The following ZNF606 variants were observed in gnomAD, a reference collection of about 807,000 sequenced individuals.
ZNF606 encodes zinc finger protein 606.
ZNF606 carries 37 observed loss-of-function variants against 74.9 expected under a neutral mutation model. That is an observed-to-expected ratio of 0.49 (90% CI 0.38 to 0.65). The LOEUF is 0.65. Ranked by LOEUF, ZNF606 falls within the 30% of genes least tolerant of loss-of-function variation. The pLI, the probability that ZNF606 is intolerant of heterozygous loss-of-function variation, is 0.00. For missense variants in ZNF606, 852 were observed against 952.9 expected (o/e 0.89, Z 1.39); for synonymous variants, 328 against 312.4 (o/e 1.05, Z -0.53).
Position 57,978,940 on chromosome 19 carries a change from G to C in ZNF606, c.1740C>G (p.Ser580Arg). Residue 580 changes from serine (S) to arginine (R), a missense_variant, in exon 7 of 7, where the codon AGC (serine) becomes AGG (arginine). Around this residue, in one of 3 missense-constraint regions of ZNF606, gnomAD observed 243 missense variants for 359.2 expected, o/e 0.68. Coordinates refer to ENST00000551380, the MANE Select transcript of ZNF606 (RefSeq NM_001348022.3). This position sits in a 1 kb window ranked among gnomAD's most constrained non-coding sequence, Gnocchi z 4.4. Reference sequence around the variant, plus strand: ...TTCTCTGATGGGCAATAAGATGGGAGCTCCAGCTGAAGGATTTTCCACATT... The same window carrying C: ...TTCTCTGATGGGCAATAAGATGGGACCTCCAGCTGAAGGATTTTCCACATT... ...CTECGKSFSW[S>R]SHLIAHQRTH... 6.2e-7 allele frequency: 1 copy of C among 1,614,152 alleles called. No individual in the cohort carries two copies. The highest frequency in any genetic ancestry group is 1.1e-5 in the South Asian group (1 of 91,076).
At chr19:57,983,990 T>C (rs950153129) in intron 6 of ZNF606, among the ~76,000 whole-genome samples, 1 of 152,212 alleles carries the variant, frequency 6.6e-6, no homozygotes, top group Non-Finnish European at 1.5e-5. Context: ...CTAGAAATAG[T>C]ACCTGAGGTG....
At chr19:58,001,769 G>A (rs1158882869) in intron 1 of ZNF606, among the ~76,000 whole-genome samples, 1 of 152,174 alleles carries the variant, frequency 6.6e-6, no homozygotes, top group African/African-American at 2.4e-5. Flanking sequence ...TCTTTGTGGG[G>A]TGATGAAATG....
chr19:58,001,216 A>G, intron 2 of ZNF606, 73 bp downstream of exon 2: 2 of 1,578,654 alleles, frequency 1.3e-6, no homozygotes, highest in Non-Finnish European at 1.7e-6. Flanking sequence ...TCCTCAGCCC[A>G]TCACCAGCTC....
intron 6 of ZNF606, among the ~76,000 whole-genome samples, chr19:57,982,467 A>G (rs1012168933): frequency 6.6e-6 from 1 of 152,126 alleles, no homozygotes; most frequent in Non-Finnish European, 1.5e-5. Flanking sequence ...CCCATTCACA[A>G]ATTCTGGAGA....
At chr19:57,998,273 C>T (rs1448990941) in intron 4 of ZNF606, 2 of 151,844 alleles carry the variant, frequency 1.3e-5, no homozygotes. Flanking sequence ...AGAGACAACT[C>T]TAAAAAACTG....
At chr19:58,001,017 A>G (rs1189198294) in intron 2 of ZNF606, 2 of 537,410 alleles carry the variant, frequency 3.7e-6, no homozygotes, top group Admixed American at 3.5e-5. Context: ...ATATTTTATT[A>G]TATGTATCAC....
intron 6 of ZNF606, among the ~76,000 whole-genome samples, chr19:57,984,165 C>T (rs1331643184): frequency 6.6e-6 from 1 of 152,116 alleles, no homozygotes; most frequent in African/African-American, 2.4e-5. Context: ...GGAAAGAGCT[C>T]GAAGTCAAGA....
Position 57,979,806 on chromosome 19 carries a change from T to G in ZNF606, c.874A>C (p.Thr292Pro), listed in dbSNP as rs1405009031. 6 of 1,613,436 alleles carry G rather than the reference T, an allele frequency of 3.7e-6. No homozygotes were observed. The highest frequency in any genetic ancestry group is 5.1e-6 in the Non-Finnish European group (6 of 1,180,008). Residue 292 changes from threonine (T) to proline (P), a missense_variant, in exon 7 of 7, where the codon ACT becomes CCT. Thr to Pro is a conservative substitution (Grantham distance 38). This residue lies in a region of ZNF606 where 545 missense variants were observed against 542.5 expected (regional missense o/e 1.00). Transcript: ENST00000551380. Reference protein sequence around the residue: ...IQTGDNLFKCTDAVKSFNHII... With the variant: ...IQTGDNLFKCPDAVKSFNHII... ...TGATTGAAAGATTTAACAGCATCAG[T>G]ACATTTGAAAAGATTATCTCCAGTT...
rs532260171 is a variant in ZNF606, at chr19:57,980,535, A to G, written c.401-256T>C. 1.8e-4 allele frequency among the ~76,000 whole-genome samples: 27 copies of G among 152,346 alleles called. No homozygotes were observed. In the South Asian group the frequency reaches 5.4e-3, roughly 30 times the overall value. The stretch of plus-strand genomic sequence containing the variant: ...ACTTTCCATGAAAAGGAAGACCAGT[A>G]TAAGAATGTGCAAGAAAGAGGCCGG... On this transcript the variant is annotated intron_variant, in intron 6 of 6. Transcript: ENST00000551380.
chr19:58,002,665 C>T lies in ZNF606; in HGVS notation c.-321G>A, dbSNP rs2073457718. Reference sequence around the variant, plus strand: ...ACCGACGGCAACGACGGCGCAAAGCCGGCGCGGAAAGGGCAGGCGCAGGAC... The same window carrying T: ...ACCGACGGCAACGACGGCGCAAAGCTGGCGCGGAAAGGGCAGGCGCAGGAC... On this transcript the variant is annotated 5_prime_UTR_variant, in exon 1 of 7. Transcript: ENST00000551380. The T allele has an allele frequency of 4.4e-6, 2 of 454,030 alleles. No homozygotes were observed. The highest frequency in any genetic ancestry group is 3.1e-5 in the South Asian group (2 of 64,468). The allele number at this position is 454,030 out of a possible 1,614,324, so 28.1% of individuals were successfully genotyped here. A position where few individuals can be genotyped will look rare whatever the true frequency, so the allele number is the denominator to read the frequency against.
intron 6 of ZNF606, among the ~76,000 whole-genome samples, chr19:57,986,021 A>C (rs1232539129): frequency 6.6e-6 from 1 of 152,162 alleles, no homozygotes; most frequent in East Asian, 1.9e-4. Flanking sequence ...AGGGATCTTC[A>C]ATAAGATTAA....
chr19:57,992,773 C>T (rs992491562), intron 4 of ZNF606, among the ~76,000 whole-genome samples: 2 of 152,086 alleles, frequency 1.3e-5, no homozygotes, highest in Admixed American at 6.5e-5. Flanking sequence ...TCAAATCCTC[C>T]AGTTTAAAAA....
At chr19:58,001,456 G>T in intron 1 of ZNF606, 86 bp from the exon 2 acceptor site, 1 of 1,069,894 alleles carries the variant, frequency 9.3e-7, no homozygotes, top group Non-Finnish European at 1.4e-6. Context: ...ATCCACCGAA[G>T]CAACAAAAAA....
chr19:57,988,114 T>C (rs1267006183), intron 6 of ZNF606, 93 bp downstream of exon 6: 12 of 942,664 alleles, frequency 1.3e-5, no homozygotes, highest in Non-Finnish European at 1.9e-5. Flanking sequence ...TCTAAATGCA[T>C]CTGAGGAAGG....
Position 57,979,740 on chromosome 19 carries a change from C to T in ZNF606, c.940G>A (p.Glu314Lys), listed in dbSNP as rs771224697. The change falls in exon 7 of 7, where the codon GAA becomes AAA. Residue 314 changes from glutamate to lysine, a missense_variant. Physicochemically the swap from Glu to Lys is moderately conservative, Grantham distance 56. Around this residue, in one of 3 missense-constraint regions of ZNF606, gnomAD observed 545 missense variants for 542.5 expected, o/e 1.00. Coordinates refer to ENST00000551380, the MANE Select transcript of ZNF606 (RefSeq NM_001348022.3). ...FGDHKGIHTG[E>K]KLYEYKECHQ... The stretch of plus-strand genomic sequence containing the variant: ...CATTCCTTATATTCATAGAGTTTTT[C>T]TCCTGTGTGAATTCCTTTATGATCA... 2.5e-6 allele frequency: 4 copies of T among 1,613,214 alleles called. No individual in the cohort carries two copies. In the African/African-American group the frequency reaches 5.3e-5, roughly 22 times the overall value.
rs1367709008 is a variant in ZNF606 at position 57,979,413 on chromosome 19, T to C, written c.1267A>G (p.Thr423Ala). 6.2e-7 allele frequency: 1 copy of C among 1,613,918 alleles called. No individual in the cohort carries two copies. The highest frequency in any genetic ancestry group is 2.2e-5 in the East Asian group (1 of 44,866). ...TCACATTCATAGGGTTTTTCTCCAG[T>C]ATGAGTTTTCTTATGTTGAATAAGG... is the stretch of plus-strand genomic sequence containing the variant. ...SYLIQHKKTH[T>A]GEKPYECDKC... Residue 423 changes from threonine (T) to alanine (A), a missense_variant, in exon 7 of 7, where the codon ACT becomes GCT. By Grantham distance (58) the Thr-to-Ala change is moderately conservative. Around this residue, in one of 3 missense-constraint regions of ZNF606, gnomAD observed 545 missense variants for 542.5 expected, o/e 1.00. Transcript: ENST00000551380.
chr19:57,977,888 C>T lies in ZNF606; in HGVS notation c.*413G>A, dbSNP rs2073014117. On this transcript the variant is annotated 3_prime_UTR_variant, in exon 7 of 7. Coordinates refer to ENST00000551380, the MANE Select transcript of ZNF606 (RefSeq NM_001348022.3). ...AAAATGTTATTGTAGAGTTTTCCAT[C>T]CAGTACTCCAGCTTGATGCAAAACA... is the stretch of plus-strand genomic sequence containing the variant. The T allele has an allele frequency of 6.4e-6, 1 of 156,126 alleles. No individual in the cohort carries two copies. The highest frequency in any genetic ancestry group is 1.4e-5 in the Non-Finnish European group (1 of 70,842). 9.7% of individuals were successfully genotyped at this position (156,126 alleles called of 1,614,324 possible).
Position 57,977,143 on chromosome 19 carries a change from A to G in ZNF606, c.*1158T>C, listed in dbSNP as rs926161662. On this transcript the variant is annotated 3_prime_UTR_variant, in exon 7 of 7. Coordinates refer to ENST00000551380, the MANE Select transcript of ZNF606 (RefSeq NM_001348022.3). ...CTATAGAAACACTGAAGAAAATGGG[A>G]AAAAAAATCACTGGAGAGGCAGCAT... 2 of 146,558 alleles carry G rather than the reference A, an allele frequency of 1.4e-5. No individual in the cohort carries two copies. Among genetic ancestry groups the G allele is most frequent in the African/African-American group, 2.8e-5 (1 of 36,336 alleles). 9.1% of individuals were successfully genotyped at this position (146,558 alleles called of 1,614,324 possible).
rs1267371379 is a variant in ZNF606, at chr19:57,979,422, T to G, written c.1258A>C (p.Lys420Gln). Reference protein sequence around the residue: ...IWSSYLIQHKKTHTGEKPYEC... With the variant: ...IWSSYLIQHKQTHTGEKPYEC... ...TAGGGTTTTTCTCCAGTATGAGTTTTCTTATGTTGAATAAGGTAAGAGCTC... is the reference window on the plus strand; with the variant it reads ...TAGGGTTTTTCTCCAGTATGAGTTTGCTTATGTTGAATAAGGTAAGAGCTC... The change falls in exon 7 of 7, where the codon AAA becomes CAA. Residue 420 changes from lysine (K) to glutamine (Q), a missense_variant. By Grantham distance (53) the Lys-to-Gln change is moderately conservative. This residue lies in a region of ZNF606 where 545 missense variants were observed against 542.5 expected (regional missense o/e 1.00). Coordinates refer to ENST00000551380, the MANE Select transcript of ZNF606 (RefSeq NM_001348022.3). 1.9e-6 allele frequency: 3 copies of G among 1,613,934 alleles called. No homozygotes were observed. In the African/African-American group the frequency reaches 4.0e-5, roughly 22 times the overall value.
Sources: allele counts gnomAD v4.1 joint callset (sites outside exome capture counted in the v4.1 genomes callset), GRCh38; gene constraint gnomAD v4.1.1; regional missense constraint gnomAD v4.1.1; non-coding constraint Gnocchi (gnomAD v3.1); transcripts MANE v1.5; gene names NCBI Gene and HGNC (gene_info 2026-07-23, HGNC 2026-07-21).